Variants in NLRP1 observed in about 807,000 individuals in gnomAD.
NLRP1 encodes the protein NLR family pyrin domain containing 1, also known as NACHT, LRR and PYD domains-containing protein 1.
A neutral mutation model predicts 136.7 loss-of-function variants in NLRP1; 94 were observed. The observed-to-expected ratio is 0.69, with a 90% CI of 0.58 to 0.82. The LOEUF is 0.82. Ranked by LOEUF, NLRP1 falls within the 40% of genes least tolerant of loss-of-function variation. NLRP1 has a pLI of 0.00. For synonymous variants in NLRP1, 690 were observed against 725.1 expected (o/e 0.95, Z 0.78); for missense variants, 1,575 against 1,802.7 (o/e 0.87, Z 2.29).
chr17:5,539,929 C>G (rs922107524), intron 6 of NLRP1, among the ~76,000 whole-genome samples: 1 of 152,184 alleles, frequency 6.6e-6, no homozygotes, highest in African/African-American at 2.4e-5. Flanking sequence ...TCTTTTGAGA[C>G]GAGTTCTCAC....
chr17:5,556,115 T>TACACACACAC (rs59028107), intron 4 of NLRP1, among the ~76,000 whole-genome samples: 91 of 119,072 alleles, frequency 7.6e-4, no homozygotes, highest in African/African-American at 2.4e-3. Context: ...TCTCTCTCTC[T>TACACACACAC]ACACACACAC....
In NLRP1 at chr17:5,583,343, T is replaced by C. The variant is rs1001245567; in HGVS notation, c.271+344A>G. On this transcript the variant is annotated intron_variant, in intron 1 of 16. Transcript: ENST00000572272. This position sits in a 1 kb window ranked among gnomAD's most constrained non-coding sequence, Gnocchi z 4.5. Reference sequence around the variant, plus strand: ...CTCTCCCATTTTGCAGACAGAGAAATAGGCAGAGAGCAGTGAAGTGATTGG... The same window carrying C: ...CTCTCCCATTTTGCAGACAGAGAAACAGGCAGAGAGCAGTGAAGTGATTGG... 2.0e-5 allele frequency among the ~76,000 whole-genome samples: 3 copies of C among 152,126 alleles called. No individual in the cohort carries two copies. The highest frequency in any genetic ancestry group is 7.2e-5 in the African/African-American group (3 of 41,400).
Position 5,533,396 on chromosome 17 carries a change from A to T in NLRP1, c.3053-12T>A. 1 of 955,888 alleles carries T rather than the reference A, an allele frequency of 1.0e-6. No homozygotes were observed. Among genetic ancestry groups the T allele is most frequent in the Non-Finnish European group, 1.6e-6 (1 of 606,584 alleles). 59.2% of individuals were successfully genotyped at this position (955,888 alleles called of 1,614,324 possible). ...GGAAGCCGCCCTCTCTACAGAAAAA[A>T]GAAAAATATCAGCCAGGCATGGTGG... On this transcript the variant is annotated splice_polypyrimidine_tract_variant and intron_variant, in intron 9 of 16. Transcript: ENST00000572272.
chr17:5,540,452 CCCAGCTGGGTCTGCTCA>C, intron 6 of NLRP1, among the ~76,000 whole-genome samples: 1 of 152,208 alleles, frequency 6.6e-6, no homozygotes, highest in East Asian at 1.9e-4. Context: ...TGTTGGCTCT[CCCAGCTGGGTCTGCTCA>C]GACCCAGCTG....
chr17:5,552,660 C>A (rs932397903), intron 5 of NLRP1, among the ~76,000 whole-genome samples: 20 of 152,130 alleles, frequency 1.3e-4, no homozygotes, highest in Non-Finnish European at 2.9e-4. Flanking sequence ...ATTACTGAGC[C>A]CAGTTGATTT....
rs139400272 is a variant in NLRP1 at position 5,523,141 on chromosome 17, G to A, written c.3521-1355C>T. On this transcript the variant is annotated intron_variant, in intron 12 of 16. Transcript: ENST00000572272. ...AGTTGGGTGAAGAGTCCAGTGAGAGGCAGGTGTGGTGGTGCACACTCATAA... is the reference window on the plus strand; with the variant it reads ...AGTTGGGTGAAGAGTCCAGTGAGAGACAGGTGTGGTGGTGCACACTCATAA... Among the ~76,000 whole-genome samples the A allele has an allele frequency of 9.2e-5, 14 of 152,182 alleles. No homozygotes were observed. The East Asian group carries it at 2.7e-3, about 29-fold the overall frequency.
intron 3 of NLRP1, among the ~76,000 whole-genome samples, chr17:5,575,088 C>A (rs1316494448): frequency 6.6e-6 from 1 of 152,100 alleles, no homozygotes; most frequent in Non-Finnish European, 1.5e-5. Context: ...GATTTTGTCA[C>A]CACCAGGCCT....
chr17:5,527,847 C>T (rs1049332271), intron 12 of NLRP1, among the ~76,000 whole-genome samples: 4 of 152,216 alleles, frequency 2.6e-5, no homozygotes, highest in Admixed American at 2.0e-4. Flanking sequence ...GGACAAATCC[C>T]GTCTCCCAGG....
At chr17:5,522,426 G>C (rs1432845796) in intron 12 of NLRP1, among the ~76,000 whole-genome samples, 2 of 152,230 alleles carry the variant, frequency 1.3e-5, no homozygotes, top group Non-Finnish European at 2.9e-5. Context: ...CAGCTAGAAG[G>C]CTCCATGTAT....
chr17:5,509,768 G>A (rs537264969), downstream of NLRP1, among the ~76,000 whole-genome samples: 1 of 152,278 alleles, frequency 6.6e-6, no homozygotes, highest in East Asian at 1.9e-4. Flanking sequence ...GCCTCCCAAA[G>A]TGTTGAGATT....
intron 6 of NLRP1, among the ~76,000 whole-genome samples, chr17:5,540,468 C>T (rs1238992211): frequency 2.0e-5 from 3 of 152,128 alleles, no homozygotes; most frequent in South Asian, 2.1e-4. Context: ...TGGGTCTGCT[C>T]AGACCCAGCT....
intron 5 of NLRP1, among the ~76,000 whole-genome samples, chr17:5,552,066 T>C (rs1294437066): frequency 6.7e-6 from 1 of 149,566 alleles, no homozygotes; most frequent in Non-Finnish European, 1.5e-5. Flanking sequence ...TGGGCCATCA[T>C]GTCTGGCTCT....
At chr17:5,573,080 G>C (rs1453262719) in intron 3 of NLRP1, among the ~76,000 whole-genome samples, 1 of 152,172 alleles carries the variant, frequency 6.6e-6, no homozygotes, top group Non-Finnish European at 1.5e-5. Flanking sequence ...AAGGGAAGCT[G>C]TGACAGATGG....
chr17:5,529,144 A>T (rs1404575101), intron 12 of NLRP1, among the ~76,000 whole-genome samples: 1 of 152,078 alleles, frequency 6.6e-6, no homozygotes, highest in Non-Finnish European at 1.5e-5. Flanking sequence ...CATTAATGAG[A>T]CTAATCTTGA....
At position 5,559,152 on chromosome 17, in the gene NLRP1, G is replaced by T; in HGVS notation, c.1544C>A (p.Ala515Asp). The part of the protein sequence containing the change: ...RLVKSNKELW[A>D]LCLVPWVSWL... ...GGACACCCAGGGCACAAGACACAGG[G>T]CCCAGAGCTCTTTGTTTGATTTGAC... Residue 515 changes from alanine to aspartate, a missense_variant, in exon 4 of 17, where the codon GCC (alanine) becomes GAC (aspartate). Transcript: ENST00000572272. The T allele has an allele frequency of 6.2e-7, 1 of 1,614,150 alleles. No individual in the cohort carries two copies. Among genetic ancestry groups the T allele is most frequent in the Non-Finnish European group, 8.5e-7 (1 of 1,180,024 alleles).
chr17:5,553,357 C>T (rs762185392), intron 5 of NLRP1, 29 bp downstream of exon 5: 4 of 1,583,206 alleles, frequency 2.5e-6, no homozygotes, highest in Admixed American at 3.5e-5. Context: ...CCCATCCCTG[C>T]TTCAGAACAG....
chr17:5,538,878 T>C (rs571905527), intron 7 of NLRP1, among the ~76,000 whole-genome samples: 1 of 135,156 alleles, frequency 7.4e-6, no homozygotes, highest in Non-Finnish European at 1.7e-5. Flanking sequence ...TTTTATTTGT[T>C]TAATTAATTA....
chr17:5,515,654 G>A, intron 15 of NLRP1, 137 bp from the exon 16 acceptor site: 2 of 725,296 alleles, frequency 2.8e-6, no homozygotes, highest in Non-Finnish European at 4.8e-6. Flanking sequence ...GGTAGAATCT[G>A]GAGTAAGAGC....
At chr17:5,511,607 C>T (rs72827621), downstream of NLRP1, among the ~76,000 whole-genome samples, 1,701 of 152,160 alleles carry the variant, frequency 0.011, 16 homozygotes, top group Non-Finnish European at 0.017. Flanking sequence ...CCTAGGCTTC[C>T]GGCAACTAAC....
Sources: allele counts gnomAD v4.1 joint callset (sites outside exome capture counted in the v4.1 genomes callset), GRCh38; gene constraint gnomAD v4.1.1; non-coding constraint Gnocchi (gnomAD v3.1); transcripts MANE v1.5; gene names NCBI Gene and HGNC (gene_info 2026-07-23, HGNC 2026-07-21).